ARMCX4: variants seen among roughly 807,000 people sequenced by gnomAD.
ARMCX4 encodes armadillo repeat containing X-linked 4.
ARMCX4 carries 3 observed loss-of-function variants against 34.7 expected under a neutral mutation model. The ratio of observed to expected loss-of-function variants is 0.09; its 90% CI spans 0.04 to 0.22. ARMCX4 has a LOEUF of 0.22. ARMCX4 is among the 10% of genes least tolerant of loss of function. The probability of loss-of-function intolerance (pLI) is 1.00; values close to 1 mark genes in which losing one functional copy is unlikely to be tolerated. For synonymous variants in ARMCX4, 513 were observed against 632.8 expected (o/e 0.81, Z 2.84); for missense variants, 1,448 against 1,720.8 (o/e 0.84, Z 2.81).
At chrX:101,516,733 A>G (rs1189242027) in intron 11 of ARMCX4, 20 of 111,168 alleles carry the variant, frequency 1.8e-4, no homozygotes, top group African/African-American at 6.5e-4. Context: ...GTGTCCAGCT[A>G]TTACCAAACC....
intron 2 of ARMCX4, among the ~76,000 whole-genome samples, chrX:101,435,762 T>G (rs1294973851): frequency 6.3e-5 from 7 of 110,287 alleles, no homozygotes; most frequent in Non-Finnish European, 1.3e-4. Context: ...TCTTCTAGGG[T>G]TTTTATGGTT....
chrX:101,454,583 G>T (rs1316985049), intron 4 of ARMCX4, among the ~76,000 whole-genome samples: 1 of 109,856 alleles, frequency 9.1e-6, no homozygotes, highest in Admixed American at 9.7e-5. Context: ...ACTGCGCCTG[G>T]CTCATCATGG....
Position 101,492,863 on chromosome X carries a change from C to T in ARMCX4, c.4274C>T (p.Ser1425Leu). ...CCTGAAGACCAGTCCAGTGGAAGGT[C>T]ATGGGCTAACTCTGGGGACCAAATC... ...VGPEDQSSGR[S>L]WANSGDQISG... The change falls in exon 6 of 6, where the codon TCA (serine) becomes TTA (leucine). Residue 1425 changes from serine (S) to leucine (L), a missense_variant. Around this residue, in one of 2 missense-constraint regions of ARMCX4, gnomAD observed 1,343 missense variants for 1,540.7 expected, o/e 0.87. Coordinates refer to ENST00000423738, the MANE Select transcript of ARMCX4 (RefSeq NM_001256155.3). 1 of 1,154,493 alleles carries T rather than the reference C, an allele frequency of 8.7e-7. No individual in the cohort carries two copies. Among genetic ancestry groups the T allele is most frequent in the East Asian group, 3.3e-5 (1 of 30,654 alleles).
At chrX:101,471,965 T>G (rs1932926406) in intron 4 of ARMCX4, among the ~76,000 whole-genome samples, 2 of 97,742 alleles carry the variant, frequency 2.0e-5, no homozygotes, top group African/African-American at 7.6e-5. Context: ...GAGAATGACT[T>G]TGACGAGCTG....
At chrX:101,462,799 T>TA (rs1932682025) in intron 4 of ARMCX4, among the ~76,000 whole-genome samples, 1 of 111,734 alleles carries the variant, frequency 8.9e-6, no homozygotes, top group Non-Finnish European at 1.9e-5. Context: ...TGTATCTACT[T>TA]ATGTGTGTGT....
intron 11 of ARMCX4, among the ~76,000 whole-genome samples, chrX:101,517,892 G>C: frequency 9.0e-6 from 1 of 111,358 alleles, no homozygotes. Flanking sequence ...TTTCCTGAAA[G>C]TCTGGGTCCT....
chrX:101,440,275 G>C (rs1226463902), intron 2 of ARMCX4, among the ~76,000 whole-genome samples: 5 of 112,130 alleles, frequency 4.5e-5, no homozygotes, highest in African/African-American at 1.6e-4. Flanking sequence ...ATCAGCAGCA[G>C]AGGCTGCAGA....
intron 4 of ARMCX4, among the ~76,000 whole-genome samples, chrX:101,477,698 G>A (rs1217987599): frequency 2.7e-5 from 3 of 109,341 alleles, no homozygotes; most frequent in Non-Finnish European, 5.7e-5. Context: ...GAAAAAGGAT[G>A]GTACACAGAA....
chrX:101,523,556 A>G (rs1556019634), intron 11 of ARMCX4, among the ~76,000 whole-genome samples: 1 of 112,140 alleles, frequency 8.9e-6, no homozygotes, highest in Admixed American at 9.5e-5. Flanking sequence ...AAGAAAAAAT[A>G]TCTGAGCAGG....
At chrX:101,422,868 A>G (rs4986644) in intron 2 of ARMCX4, among the ~76,000 whole-genome samples, 34,199 of 110,352 alleles carry the variant, frequency 0.31, 6,442 homozygotes, top group African/African-American at 0.71. Context: ...TGCAAAGGTG[A>G]TTTCATTACA....
In ARMCX4 at chrX:101,491,690, C is replaced by T. The variant is rs1360438958; in HGVS notation, c.3101C>T (p.Ala1034Val). The T allele has an allele frequency of 8.7e-7, 1 of 1,155,753 alleles. No homozygotes were observed. The highest frequency in any genetic ancestry group is 1.8e-5 in the African/African-American group (1 of 56,247). ...TRHSAQPQIV[A>V]GSQGETLPGA... The stretch of plus-strand genomic sequence containing the variant: ...CACTCTGCCCAGCCTCAGATTGTGG[C>T]CGGTTCCCAGGGTGAGACCTTGCCT... The change falls in exon 6 of 6, where the codon GCC becomes GTC. Residue 1034 changes from alanine to valine, a missense_variant. Physicochemically the swap from Ala to Val is moderately conservative, Grantham distance 64 (BLOSUM62 0). Transcript: ENST00000423738.
At chrX:101,441,225 C>T (rs1368729789) in intron 2 of ARMCX4, among the ~76,000 whole-genome samples, 1 of 111,123 alleles carries the variant, frequency 9.0e-6, no homozygotes, top group African/African-American at 3.3e-5. Flanking sequence ...GAGGTAGAGA[C>T]ATAATCCCAG....
At chrX:101,469,631 A>G (rs1932855410) in intron 4 of ARMCX4, among the ~76,000 whole-genome samples, 1 of 111,899 alleles carries the variant, frequency 8.9e-6, no homozygotes, top group African/African-American at 3.2e-5. Flanking sequence ...GAAGAGTTCT[A>G]ACAATCATAT....
downstream of ARMCX4, chrX:101,499,260 C>A (rs184971148): frequency 9.0e-6 from 1 of 111,574 alleles, no homozygotes; most frequent in African/African-American, 3.3e-5. Flanking sequence ...CTCATTACTG[C>A]GATGGCTCCT....
chrX:101,474,611 A>G (rs1200212233), intron 4 of ARMCX4, among the ~76,000 whole-genome samples: 1 of 105,232 alleles, frequency 9.5e-6, no homozygotes, highest in Non-Finnish European at 1.9e-5. Context: ...CTTATCCACC[A>G]TGATCAAGTG....
At chrX:101,505,292 G>C (rs1934424593) in exon 8 of ARMCX4, 1 of 110,880 alleles carries the variant, frequency 9.0e-6, no homozygotes, top group Non-Finnish European at 1.9e-5. Flanking sequence ...GCCATGTTTT[G>C]ATGCCCTCAA....
chrX:101,525,210 A>G (rs1010260089), intron 11 of ARMCX4, among the ~76,000 whole-genome samples: 4 of 112,178 alleles, frequency 3.6e-5, no homozygotes, highest in Admixed American at 2.8e-4. Flanking sequence ...GCAAACTCCA[A>G]CAGACCTGCA....
In ARMCX4 at chrX:101,492,152, G is replaced by A; in HGVS notation, c.3563G>A (p.Ser1188Asn). 1 of 1,153,832 alleles carries A rather than the reference G, an allele frequency of 8.7e-7. No homozygotes were observed. ...GTWARAGEQA[S>N]GGLWAGGQTS... ...TGGGCTAGAGCTGGGGAGCAGGCCAGTGGAGGGCTCTGGGCTGGGGGTCAG... is the reference window on the plus strand; with the variant it reads ...TGGGCTAGAGCTGGGGAGCAGGCCAATGGAGGGCTCTGGGCTGGGGGTCAG... Residue 1188 changes from serine (S) to asparagine (N), a missense_variant, in exon 6 of 6, where the codon AGT becomes AAT. This residue lies in a region of ARMCX4 where 1,343 missense variants were observed against 1,540.7 expected (regional missense o/e 0.87). Coordinates refer to ENST00000423738, the MANE Select transcript of ARMCX4 (RefSeq NM_001256155.3).
chrX:101,479,808 T>C lies in ARMCX4; in HGVS notation c.-472-6215T>C, dbSNP rs782547723. Among the ~76,000 whole-genome samples the C allele has an allele frequency of 3.6e-5, 4 of 110,668 alleles. No homozygotes were observed. In the East Asian group the frequency reaches 1.1e-3, roughly 31 times the overall value. The stretch of plus-strand genomic sequence containing the variant: ...ATCTATAAATTGGATGCAATCCTAA[T>C]GAAAAGTCCAACAAGATTTTTTAAA... On this transcript the variant is annotated intron_variant and NMD_transcript_variant, in intron 4 of 15. Transcript: ENST00000433011.
Sources: allele counts gnomAD v4.1 joint callset (sites outside exome capture counted in the v4.1 genomes callset), GRCh38; gene constraint gnomAD v4.1.1; regional missense constraint gnomAD v4.1.1; transcripts MANE v1.5; gene names NCBI Gene and HGNC (gene_info 2026-07-23, HGNC 2026-07-21).